ATP6V1C2: variants seen among roughly 807,000 people sequenced by gnomAD.
ATP6V1C2 encodes ATPase H+ transporting V1 subunit C2.
ATP6V1C2 carries 45 observed loss-of-function variants against 56.8 expected under a neutral mutation model. The ratio of observed to expected loss-of-function variants is 0.79; its 90% confidence interval spans 0.62 to 1.02. ATP6V1C2 has a LOEUF of 1.02. ATP6V1C2 is among the 50% of genes least tolerant of loss of function. The pLI is 0.00. For synonymous variants in ATP6V1C2, 220 were observed against 201.3 expected, an observed-to-expected ratio of 1.09 and a Z score of -0.79; for missense variants, 463 against 519.7, an observed-to-expected ratio of 0.89 and a Z score of 1.06.
intron 3 of ATP6V1C2, among the ~76,000 whole-genome samples, chr2:10,741,587 T>G (rs1662553902): frequency 6.6e-6 from 1 of 152,082 alleles, no homozygotes. Flanking sequence ...TTTTGGGTTA[T>G]CCAGAGCGGG....
At position 10,751,781 on chromosome 2, in the gene ATP6V1C2, C is replaced by T. The variant is rs146542447; in HGVS notation, c.198-2200C>T. On this transcript the variant is annotated intron_variant, in intron 3 of 13. Transcript: ENST00000272238. ...TAGAATGTTTGATACTTGCTCGACT[C>T]CACTAAATAATAGGTGATATCAAAA... Among the ~76,000 whole-genome samples, 518 of 152,254 alleles carry T rather than the reference C, an allele frequency of 3.4e-3. 4 individuals are homozygous for T. Among genetic ancestry groups the T allele is most frequent in the African/African-American group, 0.012 (492 of 41,546 alleles).
chr2:10,770,894 T>G (rs1399349528), intron 6 of ATP6V1C2, among the ~76,000 whole-genome samples: 1 of 152,236 alleles, frequency 6.6e-6, no homozygotes, highest in Non-Finnish European at 1.5e-5. Context: ...TTTTTGCACT[T>G]GCAGAGCTCA....
intron 3 of ATP6V1C2, among the ~76,000 whole-genome samples, chr2:10,750,295 T>C (rs953010812): frequency 6.6e-6 from 1 of 152,132 alleles, no homozygotes; most frequent in Admixed American, 6.5e-5. Context: ...GGCAGGTGGA[T>C]TGCTTGAGCT....
chr2:10,752,197 C>A (rs1237013454), intron 3 of ATP6V1C2, among the ~76,000 whole-genome samples: 1 of 152,170 alleles, frequency 6.6e-6, no homozygotes, highest in Non-Finnish European at 1.5e-5. Flanking sequence ...TTTTTGTTAA[C>A]TACTTTATAC....
At chr2:10,724,802 A>G (rs947558024) in intron 2 of ATP6V1C2, among the ~76,000 whole-genome samples, 2 of 151,530 alleles carry the variant, frequency 1.3e-5, no homozygotes, top group Non-Finnish European at 2.9e-5. Flanking sequence ...CCTCCCCAGT[A>G]GCTGGGATTA....
At chr2:10,750,819 G>A (rs879769828) in intron 3 of ATP6V1C2, among the ~76,000 whole-genome samples, 17 of 152,302 alleles carry the variant, frequency 1.1e-4, no homozygotes, top group African/African-American at 3.6e-4. Flanking sequence ...AAGAGGAACC[G>A]TTGGTAGCAT....
At chr2:10,754,772 G>C (rs1373070950) in intron 4 of ATP6V1C2, among the ~76,000 whole-genome samples, 1 of 151,364 alleles carries the variant, frequency 6.6e-6, no homozygotes, top group Non-Finnish European at 1.5e-5. Context: ...TAGAGATGGG[G>C]TTTCACCATA....
intron 3 of ATP6V1C2, among the ~76,000 whole-genome samples, chr2:10,752,543 C>A (rs13406760): frequency 0.013 from 2,018 of 152,320 alleles, 40 homozygotes; most frequent in African/African-American, 0.047. Flanking sequence ...CCTAGTTTGA[C>A]TTGTTTTCCA....
intron 3 of ATP6V1C2, among the ~76,000 whole-genome samples, chr2:10,727,098 C>T (rs1179559291): frequency 7.0e-6 from 1 of 143,798 alleles, no homozygotes. Context: ...GAGACAGAGT[C>T]TCACTCTGTT....
intron 2 of ATP6V1C2, among the ~76,000 whole-genome samples, chr2:10,724,619 G>A (rs1396703183): frequency 6.6e-6 from 1 of 151,696 alleles, no homozygotes; most frequent in Admixed American, 6.6e-5. Context: ...TAAGTTACTT[G>A]AGAAGAAGCG....
At position 10,754,014 on chromosome 2, in the gene ATP6V1C2, A is replaced by T. The variant is rs1558404447; in HGVS notation, c.231A>T (p.Glu77Asp). The T allele has an allele frequency of 6.2e-7, 1 of 1,608,522 alleles. No individual in the cohort carries two copies. Among genetic ancestry groups the T allele is most frequent in the Non-Finnish European group, 8.5e-7 (1 of 1,176,972 alleles). Reference protein sequence around the residue: ...LIRRMAQSVVEVMEDSKGKVQ... With the variant: ...LIRRMAQSVVDVMEDSKGKVQ... Reference sequence around the variant, plus strand: ...GGAGAATGGCTCAGAGCGTGGTGGAAGTCATGGAGGACTCAAAGGGGAAGG... The same window carrying T: ...GGAGAATGGCTCAGAGCGTGGTGGATGTCATGGAGGACTCAAAGGGGAAGG... The change falls in exon 4 of 14, where the codon GAA (glutamate) becomes GAT (aspartate). Residue 77 changes from glutamate to aspartate, a missense_variant. Coordinates refer to ENST00000272238, the MANE Select transcript of ATP6V1C2 (RefSeq NM_001039362.2).
intron 12 of ATP6V1C2, among the ~76,000 whole-genome samples, chr2:10,779,701 A>AC (rs1251411809): frequency 6.7e-6 from 1 of 150,366 alleles, no homozygotes; most frequent in Non-Finnish European, 1.5e-5. Context: ...AAAAAAAAAA[A>AC]AAAAAACTTC....
At chr2:10,746,187 A>G (rs923580419) in intron 3 of ATP6V1C2, among the ~76,000 whole-genome samples, 3 of 151,970 alleles carry the variant, frequency 2.0e-5, no homozygotes, top group African/African-American at 7.3e-5. Context: ...TTTAGTAGAG[A>G]TGAGGTTTCA....
chr2:10,764,411 G>C lies in ATP6V1C2; in HGVS notation c.364G>C (p.Asp122His). The C allele has an allele frequency of 6.2e-7, 1 of 1,614,018 alleles. No homozygotes were observed. The highest frequency in any genetic ancestry group is 2.2e-5 in the East Asian group (1 of 44,876). ...CAAGCAGCCGCTCGTGAGTGTGGTG[G>C]ACACAATAGCCAAGGTGAGAAAAGG... The part of the protein sequence containing the change: ...PVKQPLVSVV[D>H]TIAKQLAQIE... The change falls in exon 5 of 14, where the codon GAC becomes CAC. Residue 122 changes from aspartate to histidine, a missense_variant. Transcript: ENST00000272238.
chr2:10,771,733 C>T (rs1254392937), intron 6 of ATP6V1C2, 106 bp from the exon 7 acceptor site: 4 of 828,266 alleles, frequency 4.8e-6, no homozygotes. Flanking sequence ...CTGGCACCCA[C>T]CCTTCCTTGA....
chr2:10,722,842 C>G lies in ATP6V1C2; in HGVS notation c.-8C>G, dbSNP rs757614677. On this transcript the variant is annotated 5_prime_UTR_variant, in exon 2 of 14. Coordinates refer to ENST00000272238, the MANE Select transcript of ATP6V1C2 (RefSeq NM_001039362.2). ...TGGGCAGTCACTGGGTAAGAGAAGACTGGAAGCATGTCGGAGTTTTGGTTA... is the reference window on the plus strand; with the variant it reads ...TGGGCAGTCACTGGGTAAGAGAAGAGTGGAAGCATGTCGGAGTTTTGGTTA... 1.2e-6 allele frequency: 2 copies of G among 1,613,878 alleles called. No individual in the cohort carries two copies. Among genetic ancestry groups the G allele is most frequent in the South Asian group, 2.2e-5 (2 of 91,038 alleles).
Position 10,726,518 on chromosome 2 carries a change from C to A in ATP6V1C2, c.146C>A (p.Ser49Tyr), listed in dbSNP as rs758730321. The A allele has an allele frequency of 1.2e-6, 2 of 1,613,806 alleles. No individual in the cohort carries two copies. The highest frequency in any genetic ancestry group is 1.7e-6 in the Non-Finnish European group (2 of 1,179,890). Reference protein sequence around the residue: ...IPDFKVGTLDSLVGLSDELGK... With the variant: ...IPDFKVGTLDYLVGLSDELGK... ...TCTGTCTAGGTGGGGACCTTGGATT[C>A]CCTGGTTGGCCTCTCTGATGAGTTG... The change falls in exon 3 of 14, where the codon TCC (serine) becomes TAC (tyrosine). Residue 49 changes from serine (S) to tyrosine (Y), a missense_variant. Ser to Tyr is a moderately radical substitution (Grantham distance 144). Transcript: ENST00000272238.
chr2:10,738,142 T>A (rs1469682578), intron 3 of ATP6V1C2, among the ~76,000 whole-genome samples: 3 of 152,212 alleles, frequency 2.0e-5, no homozygotes, highest in Non-Finnish European at 2.9e-5. Context: ...AGAATATTGT[T>A]GTTTGAAGAG....
At chr2:10,778,017 G>GCT (rs2148513773) in intron 11 of ATP6V1C2, among the ~76,000 whole-genome samples, 1 of 151,916 alleles carries the variant, frequency 6.6e-6, no homozygotes, top group South Asian at 2.1e-4. Flanking sequence ...TGGCAGCTCA[G>GCT]CTCTCCTCCC....
Sources: allele counts gnomAD v4.1 joint callset (sites outside exome capture counted in the v4.1 genomes callset), GRCh38; gene constraint gnomAD v4.1.1; transcripts MANE v1.5; gene names NCBI Gene and HGNC (gene_info 2026-07-23, HGNC 2026-07-21).